PPP4R2: variants seen among roughly 807,000 people sequenced by gnomAD.
The protein encoded by PPP4R2 is protein phosphatase 4 regulatory subunit 2.
PPP4R2 carries 13 observed loss-of-function variants against 47.2 expected under a neutral mutation model. That is an observed-to-expected ratio of 0.28 (90% CI 0.18 to 0.44). The LOEUF is 0.44. Ranked by LOEUF, PPP4R2 falls within the 20% of genes least tolerant of loss-of-function variation. The pLI is 1.00. For missense variants in PPP4R2, 421 were observed against 491.2 expected (o/e 0.86, Z 1.35); for synonymous variants, 151 against 163.3 (o/e 0.92, Z 0.57).
At chr3:73,015,287 C>G (rs1056206906) in intron 2 of PPP4R2, among the ~76,000 whole-genome samples, 1 of 151,860 alleles carries the variant, frequency 6.6e-6, no homozygotes, top group Non-Finnish European at 1.5e-5. Flanking sequence ...TCAAGCAGTT[C>G]TCCTGCCTCA....
At position 73,004,607 on chromosome 3, in the gene PPP4R2, T is replaced by C. The variant is rs1160046725; in HGVS notation, c.116+6449T>C. On this transcript the variant is annotated intron_variant, in intron 2 of 8. Coordinates refer to ENST00000356692, the MANE Select transcript of PPP4R2 (RefSeq NM_174907.4). ...TATATGCCACCACACCTGGCTAATT[T>C]TTGTGTTTTCTGTAGAGATGGGGTT... Among the ~76,000 whole-genome samples the C allele has an allele frequency of 5.3e-5, 8 of 152,190 alleles. No homozygotes were observed. The East Asian group carries it at 1.5e-3, about 29-fold the overall frequency.
chr3:73,011,296 A>G (rs886069410), intron 2 of PPP4R2, among the ~76,000 whole-genome samples: 8 of 152,150 alleles, frequency 5.3e-5, no homozygotes, highest in Admixed American at 1.3e-4. Flanking sequence ...CCTGGCTAAC[A>G]TGGTGAAACC....
intron 2 of PPP4R2, among the ~76,000 whole-genome samples, chr3:73,026,837 T>C (rs150851471): frequency 6.6e-6 from 1 of 152,320 alleles, no homozygotes; most frequent in Non-Finnish European, 1.5e-5. Flanking sequence ...ATACTGTTCC[T>C]GTAACTAGAT....
intron 2 of PPP4R2, among the ~76,000 whole-genome samples, chr3:73,001,414 A>G (rs1190255628): frequency 6.6e-6 from 1 of 152,034 alleles, no homozygotes; most frequent in Non-Finnish European, 1.5e-5. Flanking sequence ...AATATAAAAA[A>G]TTAGCCTAAC....
intron 3 of PPP4R2, among the ~76,000 whole-genome samples, chr3:73,049,096 GAA>G (rs540276949): frequency 6.6e-6 from 1 of 151,324 alleles, no homozygotes; most frequent in African/African-American, 2.4e-5. Flanking sequence ...TCAGAAAAAG[GAA>G]AAAAAACATT....
intron 2 of PPP4R2, among the ~76,000 whole-genome samples, chr3:73,029,525 G>GT (rs1285320077): frequency 6.6e-6 from 1 of 151,930 alleles, no homozygotes; most frequent in Non-Finnish European, 1.5e-5. Context: ...TGACTCAGGA[G>GT]TTTGTCTGAG....
intron 2 of PPP4R2, among the ~76,000 whole-genome samples, chr3:73,017,253 C>T (rs1235741167): frequency 1.3e-5 from 2 of 152,180 alleles, no homozygotes; most frequent in African/African-American, 2.4e-5. Flanking sequence ...AGAGAGCCTT[C>T]AATTCCTCAC....
At chr3:73,051,652 A>AGT (rs760392664) in intron 3 of PPP4R2, among the ~76,000 whole-genome samples, 2 of 152,088 alleles carry the variant, frequency 1.3e-5, no homozygotes, top group Non-Finnish European at 2.9e-5. Context: ...TTCGAGATGG[A>AGT]GTCTCGCTCT....
intron 2 of PPP4R2, among the ~76,000 whole-genome samples, chr3:73,010,351 G>A (rs1353672072): frequency 6.6e-6 from 1 of 151,664 alleles, no homozygotes; most frequent in Admixed American, 6.6e-5. Flanking sequence ...GCCCCCGCCC[G>A]CAGTAGCTGC....
At position 73,062,316 on chromosome 3, in the gene PPP4R2, C is replaced by T. The variant is rs1317624281; in HGVS notation, c.419+1256C>T. 2.5e-6 allele frequency: 4 copies of T among 1,605,070 alleles called. No individual in the cohort carries two copies. The South Asian group carries it at 3.4e-5, about 13-fold the overall frequency. On this transcript the variant is annotated intron_variant, in intron 5 of 8. Coordinates refer to ENST00000356692, the MANE Select transcript of PPP4R2 (RefSeq NM_174907.4). ...CCCTGACCTTCAAGGAAGATTTGAGCTATCTGGGAAAAACAGACAGTATCC... is the reference window on the plus strand; with the variant it reads ...CCCTGACCTTCAAGGAAGATTTGAGTTATCTGGGAAAAACAGACAGTATCC...
intron 2 of PPP4R2, among the ~76,000 whole-genome samples, chr3:73,030,295 A>G (rs1197431163): frequency 2.0e-5 from 3 of 152,190 alleles, no homozygotes; most frequent in Non-Finnish European, 2.9e-5. Flanking sequence ...TCCATCTATG[A>G]TAACAGGTGG....
At chr3:72,998,351 G>A (rs550463942) in intron 2 of PPP4R2, among the ~76,000 whole-genome samples, 193 bp downstream of exon 2, 26 of 152,074 alleles carry the variant, frequency 1.7e-4, no homozygotes, top group Non-Finnish European at 2.6e-4. Context: ...GGTCTGTAAC[G>A]GATTTTAAAA....
chr3:73,050,441 T>C (rs1380890948), intron 3 of PPP4R2, among the ~76,000 whole-genome samples: 1 of 152,098 alleles, frequency 6.6e-6, no homozygotes, highest in Non-Finnish European at 1.5e-5. Context: ...AAATGTTCAA[T>C]TTTTGTGTTT....
At chr3:73,004,638 A>G (rs1320557936) in intron 2 of PPP4R2, among the ~76,000 whole-genome samples, 3 of 151,926 alleles carry the variant, frequency 2.0e-5, no homozygotes, top group Non-Finnish European at 4.4e-5. Flanking sequence ...GGGTTTCACC[A>G]TGTTTTTAGG....
At chr3:73,061,594 C>G in intron 5 of PPP4R2, 1 of 165,114 alleles carries the variant, frequency 6.1e-6, no homozygotes, top group South Asian at 1.7e-4. Flanking sequence ...CCTCTACCCA[C>G]TTATGCCAGT....
At chr3:73,062,890 A>C (rs1559570399) in intron 5 of PPP4R2, 1 of 1,611,362 alleles carries the variant, frequency 6.2e-7, no homozygotes, top group Non-Finnish European at 8.5e-7. Context: ...AAGCTACGCA[A>C]GTCAAGTTAG....
rs532197302 is a variant in PPP4R2 at position 73,009,665 on chromosome 3, G to A, written c.116+11507G>A. ...GAATTTATAGTCCACAGAGCACCTTGCTTTCTCTCTGCTTGTAGACTAAAG... is the reference window on the plus strand; with the variant it reads ...GAATTTATAGTCCACAGAGCACCTTACTTTCTCTCTGCTTGTAGACTAAAG... On this transcript the variant is annotated intron_variant, in intron 2 of 8. Transcript: ENST00000356692. Among the ~76,000 whole-genome samples, 104 of 152,156 alleles carry A rather than the reference G, an allele frequency of 6.8e-4. 1 individual carries two copies. The highest frequency in any genetic ancestry group is 4.6e-4 in the Non-Finnish European group (31 of 68,024).
intron 2 of PPP4R2, among the ~76,000 whole-genome samples, chr3:73,004,916 TGTGTGTTTGTGTGTTTTGAGTCGGAGTC>T: frequency 9.3e-6 from 1 of 107,350 alleles, no homozygotes; most frequent in African/African-American, 4.1e-5. Flanking sequence ...GAGTCATGTG[TGTGTGTTTGTGTGTTTTGAGTCGGAGTC>T]GTGTGTGTGT....
At chr3:73,015,481 CT>C (rs11321511) in intron 2 of PPP4R2, among the ~76,000 whole-genome samples, 65,253 of 133,450 alleles carry the variant, frequency 0.49, 15,200 homozygotes, top group South Asian at 0.58. Flanking sequence ...AGCCTACTGT[CT>C]TTTTTTTTTT....
Sources: gnomAD v4.1 joint callset for allele counts (sites outside exome capture counted in the v4.1 genomes callset) on GRCh38, gnomAD v4.1.1 for gene constraint, MANE v1.5 for transcripts, NCBI Gene and HGNC (gene_info 2026-07-23, HGNC 2026-07-21) for gene names.